The following SCRIB variants were observed in gnomAD, a reference collection of about 807,000 sequenced individuals.
SCRIB encodes scribble planar cell polarity protein, also known as protein scribble homolog.
A neutral mutation model predicts 170.0 loss-of-function variants in SCRIB; 72 were observed. The ratio of observed to expected loss-of-function variants is 0.42; its 90% CI spans 0.35 to 0.52. The LOEUF is 0.52. Ranked by LOEUF, SCRIB falls within the 20% of genes least tolerant of loss-of-function variation. The probability of loss-of-function intolerance (pLI) is 0.02; values close to 1 mark genes in which losing one functional copy is unlikely to be tolerated. For missense variants in SCRIB, 2,475 were observed against 2,338.5 expected (o/e 1.06, Z -1.20); for synonymous variants, 1,298 against 1,044.3 (o/e 1.24, Z -4.68).
chr8:143,804,888 G>A (rs1554636021), intron 20 of SCRIB, 46 bp downstream of exon 20: 3 of 1,528,244 alleles, frequency 2.0e-6, no homozygotes, highest in Admixed American at 2.0e-5. Context: ...GCGCGGGGCG[G>A]GGCAGGGGGG....
chr8:143,796,255 ACTGCTTCAAAC>A (rs1814940715), intron 24 of SCRIB, among the ~76,000 whole-genome samples: 1 of 152,084 alleles, frequency 6.6e-6, no homozygotes, highest in Admixed American at 6.5e-5. Flanking sequence ...GGGCAACGGG[ACTGCTTCAAAC>A]CTCCACCCCC....
intron 23 of SCRIB, 38 bp from the exon 24 acceptor site, chr8:143,803,609 G>A (rs1815269407): frequency 1.3e-6 from 2 of 1,566,102 alleles, no homozygotes; most frequent in Non-Finnish European, 1.7e-6. Flanking sequence ...CCTGTTGGGG[G>A]GTGGGGCCCA....
At position 143,809,585 on chromosome 8, in the gene SCRIB, C is replaced by T. The variant is rs754552618; in HGVS notation, c.1664G>A (p.Gly555Asp). The change falls in exon 14 of 37, where the codon GGC becomes GAC. Residue 555 changes from glycine (G) to aspartate (D), a missense_variant. Gly to Asp is a moderately conservative substitution (Grantham distance 94). Around this residue, in one of 3 missense-constraint regions of SCRIB, gnomAD observed 1,966 missense variants for 1,742.9 expected, o/e 1.13. Coordinates refer to ENST00000356994, the MANE Select transcript of SCRIB (RefSeq NM_182706.5). ...GTCCTCTTCGGCGTCTTCCTCCCCG[C>T]CAGCAGTCGTGGCTTCCTGCTGGCT... ...GGSQQEATTA[G>D]GEEDAEEDYQ... The T allele has an allele frequency of 6.2e-7, 1 of 1,611,690 alleles. No homozygotes were observed. The highest frequency in any genetic ancestry group is 8.5e-7 in the Non-Finnish European group (1 of 1,179,812).
At chr8:143,804,186 C>G in intron 21 of SCRIB, 30 bp from the exon 22 acceptor site, 1 of 1,526,912 alleles carries the variant, frequency 6.5e-7, no homozygotes, top group Non-Finnish European at 9.0e-7. Context: ...CAAGGACAGG[C>G]CTCGGTCAGG....
At chr8:143,792,902 T>C in intron 29 of SCRIB, 35 bp from the exon 30 acceptor site, 2 of 1,496,184 alleles carry the variant, frequency 1.3e-6, no homozygotes, top group Non-Finnish European at 1.8e-6. Flanking sequence ...TGGCTGGCAT[T>C]CCTCCGAGAT....
At chr8:143,809,055 C>CA (rs1405934853) in intron 14 of SCRIB, 30 bp from the exon 15 acceptor site, 1 of 1,584,492 alleles carries the variant, frequency 6.3e-7, no homozygotes, top group East Asian at 2.2e-5. Flanking sequence ...AGGGTGGCCC[C>CA]AGCTCTGTGG....
chr8:143,796,671 G>GTTA (rs1814960874), intron 24 of SCRIB, among the ~76,000 whole-genome samples: 1 of 152,250 alleles, frequency 6.6e-6, no homozygotes, highest in African/African-American at 2.4e-5. Flanking sequence ...TAAAAGCACA[G>GTTA]TTACACAGGC....
chr8:143,803,663 C>A lies in SCRIB; in HGVS notation c.3398G>T (p.Gly1133Val), dbSNP rs1323429602. The A allele has an allele frequency of 2.9e-5, 46 of 1,561,590 alleles. No homozygotes were observed. The highest frequency in any genetic ancestry group is 3.4e-5 in the Non-Finnish European group (40 of 1,159,560). Reference protein sequence around the residue: ...AGNPRDPTDEGIFISKVSPTG... With the variant: ...AGNPRDPTDEVIFISKVSPTG... ...GGGGCTCACCTTGGAGATGAAGATG[C>A]CCTCGTCTGTGGGGTCGCGGGGGTT... Residue 1133 changes from glycine to valine, a missense_variant, in exon 23 of 37, where the codon GGC (glycine) becomes GTC (valine). Gly to Val is a moderately radical substitution (Grantham distance 109). Around this residue, in one of 3 missense-constraint regions of SCRIB, gnomAD observed 1,966 missense variants for 1,742.9 expected, o/e 1.13. Coordinates refer to ENST00000356994, the MANE Select transcript of SCRIB (RefSeq NM_182706.5).
intron 27 of SCRIB, chr8:143,794,202 G>A: frequency 1.9e-6 from 1 of 531,332 alleles, no homozygotes; most frequent in Non-Finnish European, 3.4e-6. Context: ...GCTGGCTGGA[G>A]CTTTGCAGGA....
chr8:143,799,743 C>T (rs1398325271), intron 24 of SCRIB, among the ~76,000 whole-genome samples: 1 of 151,714 alleles, frequency 6.6e-6, no homozygotes, highest in Non-Finnish European at 1.5e-5. Flanking sequence ...TGCACGACCC[C>T]TAAAAATGCA....
In SCRIB at chr8:143,792,779, TG is replaced by T; in HGVS notation, c.4105del (p.Gln1369ArgfsTer138). ...KYFELEVRVP[Q>X]AEGPPKRVSL... is the part of the protein sequence containing the mutation. ...CACGCGCTTAGGGGGGCCCTCGGCC[TG>T]GGGCACGCGCACCTCCAGCTCAAAG... On this transcript the variant is annotated frameshift_variant, in exon 30 of 37. Transcript: ENST00000356994. LOFTEE classifies it high-confidence loss of function. The T allele has an allele frequency of 1.3e-6, 2 of 1,582,656 alleles. No individual in the cohort carries two copies. The highest frequency in any genetic ancestry group is 8.6e-7 in the Non-Finnish European group (1 of 1,166,980).
chr8:143,807,390 C>A (rs1458441320), intron 16 of SCRIB, among the ~76,000 whole-genome samples, 162 bp downstream of exon 16: 1 of 152,178 alleles, frequency 6.6e-6, no homozygotes, highest in Non-Finnish European at 1.5e-5. Context: ...GACGGGCTGC[C>A]CCAGGCAGGA....
intron 34 of SCRIB, 45 bp downstream of exon 34, chr8:143,791,831 C>A (rs782056508): frequency 7.2e-6 from 11 of 1,531,298 alleles, no homozygotes; most frequent in Middle Eastern, 1.7e-4. Flanking sequence ...GACCCCACCC[C>A]CATGCCTCGG....
chr8:143,805,104 A>G lies in SCRIB; in HGVS notation c.2670+8T>C. The G allele has an allele frequency of 1.3e-6, 2 of 1,599,002 alleles. No individual in the cohort carries two copies. The highest frequency in any genetic ancestry group is 1.7e-6 in the Non-Finnish European group (2 of 1,173,024). ...GCAGCCCTCCCCGGCCCTGGGCCCC[A>G]GCCTCACCGCATCACCAGCCCTGTA... On this transcript the variant is annotated splice_region_variant and intron_variant, in intron 19 of 36. Transcript: ENST00000356994.
At chr8:143,814,364 C>T (rs1253549077) in intron 1 of SCRIB, among the ~76,000 whole-genome samples, 4 of 151,952 alleles carry the variant, frequency 2.6e-5, no homozygotes, top group Admixed American at 2.6e-4. Flanking sequence ...AAGACACCTG[C>T]TGGCGACCAG....
chr8:143,805,084 C>T, intron 19 of SCRIB, 28 bp downstream of exon 19: 1 of 1,592,162 alleles, frequency 6.3e-7, no homozygotes, highest in Non-Finnish European at 8.5e-7. Context: ...CTAGAGCAGC[C>T]CTCCCCGGCC....
In SCRIB at chr8:143,804,689, G is replaced by A. The variant is rs1815331561; in HGVS notation, c.2888C>T (p.Ser963Leu). ...GGTGGCAACAGCAGCGGTGGGGGGTGAGGAATGTGGCAGAGGGCTGGGAGG... is the reference window on the plus strand; with the variant it reads ...GGTGGCAACAGCAGCGGTGGGGGGTAAGGAATGTGGCAGAGGGCTGGGAGG... ...PLPPSPLPHSSPPTAAVATTS... is the reference protein window; with the variant it reads ...PLPPSPLPHSLPPTAAVATTS... The change falls in exon 21 of 37, where the codon TCA becomes TTA. Residue 963 changes from serine to leucine, a missense_variant. This residue lies in a region of SCRIB where 1,966 missense variants were observed against 1,742.9 expected (regional missense o/e 1.13). Coordinates refer to ENST00000356994, the MANE Select transcript of SCRIB (RefSeq NM_182706.5). 1 of 1,567,048 alleles carries A rather than the reference G, an allele frequency of 6.4e-7. No homozygotes were observed. The highest frequency in any genetic ancestry group is 2.3e-5 in the East Asian group (1 of 44,254).
In SCRIB at chr8:143,792,105, G is replaced by T. The variant is rs782750585; in HGVS notation, c.4543C>A (p.Arg1515=). 3 of 1,588,320 alleles carry T rather than the reference G, an allele frequency of 1.9e-6. No individual in the cohort carries two copies. The Admixed American group carries it at 5.2e-5, about 27-fold the overall frequency. ...GACCTGCTGAGGACCATCTGTGCTC[G>T]GAGAGCGTCCTGTTCCAATGACTTC... ...RMKSLEQDAL[R]AQMVLSRSQE... is the part of the protein sequence containing the mutation. The change falls in exon 33 of 37, where the codon CGA becomes AGA. Residue 1515 remains arginine (R), a synonymous_variant. Coordinates refer to ENST00000356994, the MANE Select transcript of SCRIB (RefSeq NM_182706.5).
At position 143,812,251 on chromosome 8, in the gene SCRIB, C is replaced by T; in HGVS notation, c.906+15G>A. The T allele has an allele frequency of 1.3e-6, 2 of 1,553,056 alleles. No homozygotes were observed. The highest frequency in any genetic ancestry group is 8.9e-7 in the Non-Finnish European group (1 of 1,124,470). Reference sequence around the variant, plus strand: ...CGACGGCCCCATCCTTTCTGCCTCCCAAGCCAGACCCTACCATCAGCAGGT... The same window carrying T: ...CGACGGCCCCATCCTTTCTGCCTCCTAAGCCAGACCCTACCATCAGCAGGT... On this transcript the variant is annotated intron_variant, in intron 9 of 36. Transcript: ENST00000356994.
Sources: gnomAD v4.1 joint callset for allele counts (sites outside exome capture counted in the v4.1 genomes callset) on GRCh38, gnomAD v4.1.1 for gene constraint, gnomAD v4.1.1 regional missense constraint, MANE v1.5 for transcripts, NCBI Gene and HGNC (gene_info 2026-07-23, HGNC 2026-07-21) for gene names.